Variants in ANO4 observed in about 807,000 individuals in gnomAD.
The protein encoded by ANO4 is anoctamin 4, also known as anoctamin-4.
A neutral mutation model predicts 141.9 loss-of-function variants in ANO4; 69 were observed. That is an observed-to-expected ratio of 0.49 (90% CI 0.40 to 0.59). The LOEUF is 0.59. Among genes scored for constraint, ANO4 ranks in the 20% least tolerant of loss-of-function variants. ANO4 has a pLI of 0.00. For missense variants in ANO4, 894 were observed against 1,162.2 expected, an observed-to-expected ratio of 0.77 and a Z score of 3.36; for synonymous variants, 350 against 394.3, an observed-to-expected ratio of 0.89 and a Z score of 1.33.
At chr12:100,983,194 C>A (rs187600217) in intron 7 of ANO4, among the ~76,000 whole-genome samples, 67 of 152,284 alleles carry the variant, frequency 4.4e-4, no homozygotes, top group African/African-American at 1.6e-3. Context: ...TTCCCAGAGC[C>A]ACCTAACTGG....
chr12:100,779,586 G>A lies in ANO4; in HGVS notation c.358+39481G>A, dbSNP rs552411626. 8.5e-5 allele frequency among the ~76,000 whole-genome samples: 13 copies of A among 152,152 alleles called. 1 individual carries two copies. Among genetic ancestry groups the A allele is most frequent in the African/African-American group, 2.9e-4 (12 of 41,506 alleles). On this transcript the variant is annotated intron_variant, in intron 3 of 29. Coordinates refer to the ANO4 transcript ENST00000644049. ...TCTGTTTGCCTCAATTGACACCATT[G>A]CCAGCCACTGTTGTAGGTGGCTCCC...
At chr12:101,048,916 A>G (rs1209852018) in intron 14 of ANO4, among the ~76,000 whole-genome samples, 1 of 152,236 alleles carries the variant, frequency 6.6e-6, no homozygotes, top group Non-Finnish European at 1.5e-5. Context: ...TGGAAGTAAC[A>G]GGACTTGATT....
intron 1 of ANO4, among the ~76,000 whole-genome samples, chr12:100,854,421 G>C (rs1593527248): frequency 1.3e-5 from 2 of 151,976 alleles, no homozygotes; most frequent in East Asian, 3.9e-4. Flanking sequence ...ATTATGGAAA[G>C]TTTTCAACCA....
chr12:100,848,269 ACTC>A (rs1479789744), intron 1 of ANO4, among the ~76,000 whole-genome samples: 1 of 151,828 alleles, frequency 6.6e-6, no homozygotes, highest in Admixed American at 6.6e-5. Flanking sequence ...TTTCTTCTAT[ACTC>A]AGCAATTGCA....
At chr12:101,091,058 C>A (rs1452298982) in intron 17 of ANO4, among the ~76,000 whole-genome samples, 1 of 152,176 alleles carries the variant, frequency 6.6e-6, no homozygotes, top group Non-Finnish European at 1.5e-5. Flanking sequence ...GACTAGCCAA[C>A]ATGGATGAGG....
At chr12:100,820,691 GAGA>G (rs1454274838) in intron 1 of ANO4, among the ~76,000 whole-genome samples, 2 of 152,154 alleles carry the variant, frequency 1.3e-5, no homozygotes, top group Non-Finnish European at 2.9e-5. Flanking sequence ...GCCAGCAGTT[GAGA>G]TTCTGAACTA....
At chr12:100,859,984 C>A (rs2038387135) in intron 1 of ANO4, among the ~76,000 whole-genome samples, 1 of 152,152 alleles carries the variant, frequency 6.6e-6, no homozygotes, top group South Asian at 2.1e-4. Context: ...TGTACAATCA[C>A]AAATAATTGT....
chr12:100,720,018 C>A (rs962765649), intron 1 of ANO4, among the ~76,000 whole-genome samples: 1 of 152,194 alleles, frequency 6.6e-6, no homozygotes, highest in Non-Finnish European at 1.5e-5. Context: ...ATACTCACCA[C>A]TGACATTTAT....
chr12:100,892,132 A>G (rs1433694535), intron 1 of ANO4, among the ~76,000 whole-genome samples: 1 of 151,912 alleles, frequency 6.6e-6, no homozygotes, highest in Non-Finnish European at 1.5e-5. Context: ...TCCACCACAC[A>G]TTTTCTCTGT....
chr12:100,774,511 T>C (rs1487807561), intron 3 of ANO4, among the ~76,000 whole-genome samples: 1 of 152,224 alleles, frequency 6.6e-6, no homozygotes, highest in Non-Finnish European at 1.5e-5. Flanking sequence ...GTTTTTTGAT[T>C]AACTTATTCC....
chr12:100,983,015 T>C (rs12317167), intron 7 of ANO4, among the ~76,000 whole-genome samples: 86,318 of 152,170 alleles, frequency 0.57, 24,745 homozygotes, highest in Middle Eastern at 0.66. Flanking sequence ...TTGAATCTTA[T>C]GCTTTCCAGC....
Position 101,128,345 on chromosome 12 carries a change from T to A in ANO4, c.*489T>A, listed in dbSNP as rs1241914377. ...TTACAACTTTTTCTTTCCTTTTTTT[T>A]AATTTTAGACCTTTCTGAGAAGATT... is the stretch of plus-strand genomic sequence containing the variant. On this transcript the variant is annotated 3_prime_UTR_variant, in exon 28 of 28. Transcript: ENST00000392977. 1.3e-5 allele frequency: 2 copies of A among 152,662 alleles called. No homozygotes were observed. Among genetic ancestry groups the A allele is most frequent in the Admixed American group, 6.5e-5 (1 of 15,286 alleles). 9.5% of individuals were successfully genotyped at this position (152,662 alleles called of 1,614,324 possible).
At chr12:100,911,017 T>A (rs1593727514) in intron 2 of ANO4, among the ~76,000 whole-genome samples, 1 of 152,268 alleles carries the variant, frequency 6.6e-6, no homozygotes, top group Non-Finnish European at 1.5e-5. Context: ...GATTTTCTTG[T>A]TTCCAAACAG....
intron 1 of ANO4, among the ~76,000 whole-genome samples, chr12:100,817,162 G>T: frequency 6.6e-6 from 1 of 151,988 alleles, no homozygotes; most frequent in Middle Eastern, 3.4e-3. Context: ...TATATGCTAT[G>T]TAGATCTTTC....
chr12:100,848,719 G>A (rs1015251895), intron 1 of ANO4, among the ~76,000 whole-genome samples: 1 of 152,254 alleles, frequency 6.6e-6, no homozygotes, highest in East Asian at 1.9e-4. Flanking sequence ...ACTACCTGTA[G>A]GTTACTGATT....
intron 1 of ANO4, among the ~76,000 whole-genome samples, chr12:100,732,014 A>G (rs980630482): frequency 6.6e-6 from 1 of 152,240 alleles, no homozygotes; most frequent in Admixed American, 6.5e-5. Flanking sequence ...CTTCCAAGTT[A>G]TAGCAATTAT....
chr12:100,939,878 T>C (rs2042436277), intron 4 of ANO4, among the ~76,000 whole-genome samples: 1 of 152,196 alleles, frequency 6.6e-6, no homozygotes, highest in East Asian at 1.9e-4. Context: ...ATCTGGAAAC[T>C]TCATTGCAAC....
intron 8 of ANO4, among the ~76,000 whole-genome samples, chr12:100,990,210 A>G (rs2045026969): frequency 6.6e-6 from 1 of 152,282 alleles, no homozygotes; most frequent in South Asian, 2.1e-4. Context: ...TGGATGGATA[A>G]ATTAGTGAAG....
intron 4 of ANO4, among the ~76,000 whole-genome samples, chr12:100,941,450 GAC>G (rs2042507463): frequency 6.6e-6 from 1 of 152,052 alleles, no homozygotes; most frequent in African/African-American, 2.4e-5. Context: ...AGTCTTCTGA[GAC>G]TTGCTTTTTT....
Sources: allele counts gnomAD v4.1 joint callset (sites outside exome capture counted in the v4.1 genomes callset), GRCh38; gene constraint gnomAD v4.1.1; transcripts MANE v1.5; gene names NCBI Gene and HGNC (gene_info 2026-07-23, HGNC 2026-07-21).